MFF: variants seen among roughly 807,000 people sequenced by gnomAD.
The protein encoded by MFF is chromosome 2 open reading frame 33.
MFF carries 12 observed loss-of-function variants against 36.9 expected under a neutral mutation model. That is an observed-to-expected ratio of 0.33 (90% CI 0.21 to 0.53). MFF has a LOEUF of 0.53. Ranked by LOEUF, MFF falls within the 20% of genes least tolerant of loss-of-function variation. The pLI is 0.95. For missense variants in MFF, 348 were observed against 366.6 expected, an observed-to-expected ratio of 0.95 and a Z score of 0.42; for synonymous variants, 99 against 126.2, an observed-to-expected ratio of 0.78 and a Z score of 1.44.
At chr2:227,350,307 T>G (rs2075927916) in intron 6 of MFF, among the ~76,000 whole-genome samples, 1 of 152,174 alleles carries the variant, frequency 6.6e-6, no homozygotes. Flanking sequence ...GGTCTCTCCC[T>G]GTATCTGTTA....
chr2:227,350,270 T>C (rs1167473429), intron 6 of MFF, among the ~76,000 whole-genome samples: 1 of 152,134 alleles, frequency 6.6e-6, no homozygotes, highest in Non-Finnish European at 1.5e-5. Flanking sequence ...CTATTATGAT[T>C]TGGTCCTTAA....
At chr2:227,334,198 G>C (rs1047830410) in intron 4 of MFF, among the ~76,000 whole-genome samples, 1 of 152,200 alleles carries the variant, frequency 6.6e-6, no homozygotes, top group African/African-American at 2.4e-5. Flanking sequence ...AGAATTAAAT[G>C]TAATCATGCA....
intron 5 of MFF, among the ~76,000 whole-genome samples, chr2:227,342,062 G>C (rs989772608): frequency 2.0e-5 from 3 of 151,924 alleles, no homozygotes; most frequent in Non-Finnish European, 4.4e-5. Flanking sequence ...AAGATTTACA[G>C]TGTTAACTAA....
At chr2:227,354,169 A>G (rs2076144279) in intron 7 of MFF, among the ~76,000 whole-genome samples, 1 of 152,218 alleles carries the variant, frequency 6.6e-6, no homozygotes, top group Non-Finnish European at 1.5e-5. Flanking sequence ...TAGATTATCT[A>G]GAGTCAGTAC....
intron 4 of MFF, among the ~76,000 whole-genome samples, chr2:227,338,535 A>T (rs534058004): frequency 6.6e-6 from 1 of 152,022 alleles, no homozygotes; most frequent in East Asian, 1.9e-4. Context: ...TTAATTTTTT[A>T]AAAACCATAA....
chr2:227,341,180 G>A (rs1163311979), intron 5 of MFF, among the ~76,000 whole-genome samples: 1 of 151,972 alleles, frequency 6.6e-6, no homozygotes, highest in Non-Finnish European at 1.5e-5. Flanking sequence ...ACAATACAGT[G>A]ATTTATATTA....
At chr2:227,330,448 G>A (rs1186561611) in intron 2 of MFF, 178 bp from the exon 3 acceptor site, 1 of 576,280 alleles carries the variant, frequency 1.7e-6, no homozygotes, top group Non-Finnish European at 3.1e-6. Flanking sequence ...AATTAAGAAG[G>A]CATTTTGTTG....
chr2:227,349,014 A>G (rs890020303), intron 6 of MFF, among the ~76,000 whole-genome samples: 10 of 152,158 alleles, frequency 6.6e-5, no homozygotes, highest in African/African-American at 2.2e-4. Flanking sequence ...TTTAATTACA[A>G]TAAGTCCTTA....
intron 7 of MFF, among the ~76,000 whole-genome samples, chr2:227,354,832 C>A (rs545704478): frequency 1.3e-5 from 2 of 151,938 alleles, no homozygotes; most frequent in African/African-American, 4.8e-5. Context: ...ATTGTTTCTG[C>A]GGGAGAACAC....
rs111246833 is a variant in MFF, at chr2:227,354,351, G to T, written c.660-1326G>T. Among the ~76,000 whole-genome samples the T allele has an allele frequency of 2.5e-3, 388 of 152,202 alleles. 2 individuals are homozygous for T. Among genetic ancestry groups the T allele is most frequent in the Non-Finnish European group, 4.8e-3 (324 of 67,986 alleles). On this transcript the variant is annotated intron_variant, in intron 7 of 8. Coordinates refer to ENST00000304593, the MANE Select transcript of MFF (RefSeq NM_001277062.2). ...TGTGGGTATGTACTTTTTGTAGTGG[G>T]GACTTGCTGGGATAGGTATTAGAAT...
At chr2:227,333,372 A>T (rs1277899505) in intron 4 of MFF, among the ~76,000 whole-genome samples, 1 of 152,256 alleles carries the variant, frequency 6.6e-6, no homozygotes, top group East Asian at 1.9e-4. Context: ...TTCTGCTGAC[A>T]TAATTGAGGT....
In MFF at chr2:227,330,779, A is replaced by G; in HGVS notation, c.114A>G (p.Gln38=). 1 of 1,614,212 alleles carries G rather than the reference A, an allele frequency of 6.2e-7. No individual in the cohort carries two copies. The highest frequency in any genetic ancestry group is 8.5e-7 in the Non-Finnish European group (1 of 1,179,986). ...KVAPPNADLE[Q]GFQEGVPNAS... The stretch of plus-strand genomic sequence containing the variant: ...CACCGCCAAACGCTGACCTGGAACA[A>G]GGATTCCAAGAAGGAGTTCCAAATG... Residue 38 remains glutamine, a synonymous_variant, in exon 3 of 9, where the codon CAA becomes CAG. Transcript: ENST00000304593.
chr2:227,356,204 C>T (rs765978077), intron 8 of MFF, among the ~76,000 whole-genome samples: 1 of 152,164 alleles, frequency 6.6e-6, no homozygotes, highest in Non-Finnish European at 1.5e-5. Flanking sequence ...TTAATATGTA[C>T]TCCCACAGCC....
chr2:227,357,189 C>T lies in MFF; in HGVS notation c.*72C>T. 1 of 1,533,084 alleles carries T rather than the reference C, an allele frequency of 6.5e-7. No homozygotes were observed. The highest frequency in any genetic ancestry group is 2.3e-5 in the East Asian group (1 of 44,292). 95.0% of individuals were successfully genotyped at this position (1,533,084 alleles called of 1,614,324 possible). ...AAAAGATTTGCAAACTTCTTTGTTT[C>T]TGTCTCTGCATTGTATGCCATTTTA... On this transcript the variant is annotated 3_prime_UTR_variant, in exon 9 of 9. Coordinates refer to ENST00000304593, the MANE Select transcript of MFF (RefSeq NM_001277062.2).
chr2:227,347,038 C>A, intron 5 of MFF, 188 bp from the exon 6 acceptor site: 1 of 523,754 alleles, frequency 1.9e-6, no homozygotes, highest in South Asian at 2.8e-5. Context: ...GTTATAAGTG[C>A]TGCCTTGTAG....
chr2:227,326,538 CCCTT>C (rs2074155340), intron 1 of MFF, among the ~76,000 whole-genome samples: 1 of 152,154 alleles, frequency 6.6e-6, no homozygotes, highest in Non-Finnish European at 1.5e-5. Flanking sequence ...TGTGTTCTCT[CCCTT>C]CCTGTCTGAT....
chr2:227,331,614 C>G (rs1364975289), intron 3 of MFF, among the ~76,000 whole-genome samples: 2 of 152,216 alleles, frequency 1.3e-5, no homozygotes, highest in African/African-American at 4.8e-5. Flanking sequence ...TGCATTCCAT[C>G]AGTGATGAAT....
intron 5 of MFF, among the ~76,000 whole-genome samples, chr2:227,343,671 C>T (rs1198718058): frequency 6.6e-6 from 1 of 152,126 alleles, no homozygotes; most frequent in Non-Finnish European, 1.5e-5. Flanking sequence ...AACATTATTC[C>T]TATGAAAACT....
intron 7 of MFF, among the ~76,000 whole-genome samples, chr2:227,353,703 T>A (rs1222721740): frequency 6.6e-6 from 1 of 152,236 alleles, no homozygotes; most frequent in Non-Finnish European, 1.5e-5. Context: ...TATTTTTGTT[T>A]TAAATTGAAG....
Sources: allele counts gnomAD v4.1 joint callset (sites outside exome capture counted in the v4.1 genomes callset), GRCh38; gene constraint gnomAD v4.1.1; transcripts MANE v1.5; gene names NCBI Gene and HGNC (gene_info 2026-07-23, HGNC 2026-07-21).